The following SLC17A5 variants were observed in gnomAD, a reference collection of about 807,000 sequenced individuals.
The protein encoded by SLC17A5 is solute carrier family 17 member 5, also known as sialin.
A neutral mutation model predicts 59.4 loss-of-function variants in SLC17A5; 47 were observed. The ratio of observed to expected loss-of-function variants is 0.79; its 90% CI spans 0.63 to 1.01. SLC17A5 has a LOEUF of 1.01. Ranked by LOEUF, SLC17A5 falls within the 50% of genes least tolerant of loss-of-function variation. The pLI, the probability that SLC17A5 is intolerant of heterozygous loss-of-function variation, is 0.00. For missense variants in SLC17A5, 522 were observed against 595.5 expected (o/e 0.88, Z 1.28); for synonymous variants, 202 against 210.7 (o/e 0.96, Z 0.36).
chr6:73,602,434 A>C (rs1458439852), intron 9 of SLC17A5, among the ~76,000 whole-genome samples: 1 of 135,064 alleles, frequency 7.4e-6, no homozygotes, highest in Non-Finnish European at 1.6e-5. Context: ...AGAATGATCA[A>C]TAAAAAAAAT....
chr6:73,630,006 T>TGAGA (rs1768620777), intron 6 of SLC17A5, among the ~76,000 whole-genome samples: 1 of 151,920 alleles, frequency 6.6e-6, no homozygotes, highest in African/African-American at 2.4e-5. Flanking sequence ...ATTTTTTTTT[T>TGAGA]TTTTGAGATA....
chr6:73,641,556 T>C, intron 3 of SLC17A5, 135 bp downstream of exon 3: 3 of 693,982 alleles, frequency 4.3e-6, no homozygotes. Context: ...TAGTTAGTCC[T>C]TTCTCTAAAA....
chr6:73,606,994 C>T (rs891705720), intron 9 of SLC17A5, among the ~76,000 whole-genome samples: 6 of 152,172 alleles, frequency 3.9e-5, no homozygotes, highest in African/African-American at 1.4e-4. Flanking sequence ...CTTAGTGACC[C>T]AATGGTGGCT....
intron 6 of SLC17A5, among the ~76,000 whole-genome samples, chr6:73,622,385 T>G (rs541690821): frequency 1.0e-3 from 152 of 151,894 alleles, no homozygotes; most frequent in African/African-American, 3.6e-3. Context: ...CACTGCAACC[T>G]CTGCCTCCTG....
intron 9 of SLC17A5, among the ~76,000 whole-genome samples, chr6:73,602,039 CG>C (rs1561984977): frequency 1.3e-5 from 2 of 151,902 alleles, no homozygotes; most frequent in African/African-American, 4.8e-5. Flanking sequence ...GGATGGTTGC[CG>C]TGTCTGTGTA....
At chr6:73,633,591 A>G (rs1038038323) in intron 6 of SLC17A5, among the ~76,000 whole-genome samples, 7 of 151,182 alleles carry the variant, frequency 4.6e-5, no homozygotes, top group South Asian at 2.1e-4. Flanking sequence ...TAAAATATCA[A>G]TCTTGGGCTA....
rs1430474729 is a variant in SLC17A5, at chr6:73,653,522, GC to G, written c.94+270del. 2.8e-5 allele frequency: 21 copies of G among 754,672 alleles called. No individual in the cohort carries two copies. In the African/African-American group the frequency reaches 7.1e-4, roughly 26 times the overall value. 46.7% of individuals were successfully genotyped at this position (754,672 alleles called of 1,614,324 possible). A position where few individuals can be genotyped will look rare whatever the true frequency, so the allele number is the denominator to read the frequency against. On this transcript the variant is annotated intron_variant, in intron 1 of 10. Transcript: ENST00000355773. ...CTCCCCCGCCCCCGCCCCCGCCCCCGCCCCCGCCCGGTGGGGCTGCACCTGC... is the reference window on the plus strand; with the variant it reads ...CTCCCCCGCCCCCGCCCCCGCCCCCGCCCCGCCCGGTGGGGCTGCACCTGC...
At chr6:73,627,455 C>A (rs920758097) in intron 6 of SLC17A5, among the ~76,000 whole-genome samples, 1 of 152,104 alleles carries the variant, frequency 6.6e-6, no homozygotes, top group African/African-American at 2.4e-5. Flanking sequence ...CTGGACAACA[C>A]AAGGTTGGGC....
intron 6 of SLC17A5, among the ~76,000 whole-genome samples, chr6:73,630,451 G>T (rs758699774): frequency 2.0e-5 from 3 of 152,160 alleles, no homozygotes; most frequent in Non-Finnish European, 4.4e-5. Flanking sequence ...TGCAACTCTT[G>T]CTTGTCCAGC....
intron 4 of SLC17A5, among the ~76,000 whole-genome samples, chr6:73,637,334 A>C (rs1410736314): frequency 1.3e-5 from 2 of 152,208 alleles, no homozygotes; most frequent in African/African-American, 4.8e-5. Context: ...CAAAGTAGTG[A>C]AGACTGTAAA....
chr6:73,626,925 T>A (rs867272256), intron 6 of SLC17A5, among the ~76,000 whole-genome samples: 5 of 151,520 alleles, frequency 3.3e-5, no homozygotes, highest in Non-Finnish European at 7.4e-5. Context: ...GCACTCACTG[T>A]CATGCCTGGC....
chr6:73,627,600 T>G (rs1187854009), intron 6 of SLC17A5, among the ~76,000 whole-genome samples: 1 of 151,814 alleles, frequency 6.6e-6, no homozygotes, highest in African/African-American at 2.4e-5. Context: ...TCATATCTAA[T>G]TGTTGGCAAA....
intron 9 of SLC17A5, among the ~76,000 whole-genome samples, chr6:73,601,344 C>T (rs1348902964): frequency 1.6e-4 from 23 of 145,364 alleles, no homozygotes; most frequent in African/African-American, 5.7e-4. Context: ...CCCCTCTGCC[C>T]GGCAGCCACC....
chr6:73,627,612 A>G (rs1023408605), intron 6 of SLC17A5, among the ~76,000 whole-genome samples: 1 of 150,986 alleles, frequency 6.6e-6, no homozygotes, highest in Non-Finnish European at 1.5e-5. Context: ...GTTGGCAAAA[A>G]ATTAAAAATT....
At chr6:73,636,772 T>G (rs1377672104) in intron 4 of SLC17A5, 65 bp from the exon 5 acceptor site, 8 of 1,167,968 alleles carry the variant, frequency 6.8e-6, no homozygotes, top group Non-Finnish European at 1.0e-5. Context: ...GACAGACAAG[T>G]CTACTGCTTA....
At chr6:73,597,190 A>G (rs1766847600) in intron 10 of SLC17A5, among the ~76,000 whole-genome samples, 1 of 144,844 alleles carries the variant, frequency 6.9e-6, no homozygotes, top group Admixed American at 6.9e-5. Flanking sequence ...AAACCAGGCC[A>G]GGCGTGGTGG....
At chr6:73,618,624 A>C in intron 7 of SLC17A5, 1 of 437,844 alleles carries the variant, frequency 2.3e-6, no homozygotes, top group Non-Finnish European at 4.3e-6. Flanking sequence ...GATGAGTGGA[A>C]AACCATCTCT....
intron 7 of SLC17A5, 82 bp downstream of exon 7, chr6:73,621,722 C>T (rs865819446): frequency 1.8e-6 from 2 of 1,142,478 alleles, no homozygotes; most frequent in African/African-American, 1.6e-5. Flanking sequence ...TACAGAATAA[C>T]TGAATTTTAT....
At chr6:73,638,751 C>G (rs1430104096) in intron 3 of SLC17A5, among the ~76,000 whole-genome samples, 1 of 151,812 alleles carries the variant, frequency 6.6e-6, no homozygotes, top group Admixed American at 6.6e-5. Context: ...AGGAGGATTG[C>G]TTGAGCCCAG....
Sources: allele counts gnomAD v4.1 joint callset (sites outside exome capture counted in the v4.1 genomes callset), GRCh38; gene constraint gnomAD v4.1.1; transcripts MANE v1.5; gene names NCBI Gene and HGNC (gene_info 2026-07-23, HGNC 2026-07-21).